Variants in SLC12A6 observed in about 807,000 individuals in gnomAD.
The protein encoded by SLC12A6 is K-Cl cotransporter 3.
In SLC12A6, 66 loss-of-function variants were observed where a neutral mutation model predicts 135.3. The observed-to-expected ratio is 0.49, with a 90% CI of 0.40 to 0.60. The LOEUF (loss-of-function observed/expected upper bound fraction) is 0.60, where lower values mean the gene tolerates loss of function less well. SLC12A6 is among the 20% of genes least tolerant of loss of function. The pLI, the probability that SLC12A6 is intolerant of heterozygous loss-of-function variation, is 0.00. For synonymous variants in SLC12A6, 513 were observed against 508.8 expected, an observed-to-expected ratio of 1.01 and a Z score of -0.11; for missense variants, 1,058 against 1,452.3, an observed-to-expected ratio of 0.73 and a Z score of 4.41.
chr15:34,250,219 A>T, intron 13 of SLC12A6, 79 bp downstream of exon 13: 1 of 883,700 alleles, frequency 1.1e-6, no homozygotes, highest in Non-Finnish European at 1.9e-6. Flanking sequence ...TGAGTCTGTA[A>T]CTGTCTTGGA....
chr15:34,301,712 G>A (rs559013420), intron 2 of SLC12A6, among the ~76,000 whole-genome samples: 1 of 151,076 alleles, frequency 6.6e-6, no homozygotes, highest in African/African-American at 2.5e-5. Flanking sequence ...AGACAAGGCT[G>A]GGCGTGGTGG....
chr15:34,236,166 G>A lies in SLC12A6; in HGVS notation c.3076C>T (p.Arg1026Ter), dbSNP rs752155450. ...QLVKDRNSML[R>*]LTSIGSDEDE... ...TCATCAGAGCCAATGCTGGTCAATC[G>A]TAGCATTGAGTTTCGGTCTTTCACC... The change falls in exon 24 of 26, where the codon CGA becomes TGA. Residue 1026 changes from arginine (R) to a stop codon, truncating the protein, a stop_gained. Transcript: ENST00000354181. LOFTEE classifies it high-confidence loss of function. 3.1e-6 allele frequency: 5 copies of A among 1,613,654 alleles called. No individual in the cohort carries two copies. Among genetic ancestry groups the A allele is most frequent in the South Asian group, 2.2e-5 (2 of 91,068 alleles).
At chr15:34,238,161 G>T in intron 21 of SLC12A6, 71 bp downstream of exon 21, 1 of 1,085,406 alleles carries the variant, frequency 9.2e-7, no homozygotes, top group Non-Finnish European at 1.4e-6. Flanking sequence ...ATCAGAGGAA[G>T]AATTTGTCTG....
In SLC12A6 at chr15:34,265,294, T is replaced by G. The variant is rs550084866; in HGVS notation, c.317-4274A>C. ...TCCTAGGATGTACTGGATACTGTTCTGGGTCCTAGAGATATAGCAGTGGAC... is the reference window on the plus strand; with the variant it reads ...TCCTAGGATGTACTGGATACTGTTCGGGGTCCTAGAGATATAGCAGTGGAC... On this transcript the variant is annotated intron_variant, in intron 3 of 25. Coordinates refer to ENST00000354181, the MANE Select transcript of SLC12A6 (RefSeq NM_001365088.1). Among the ~76,000 whole-genome samples the G allele has an allele frequency of 9.2e-5, 14 of 152,110 alleles. No homozygotes were observed. The South Asian group carries it at 2.7e-3, about 29-fold the overall frequency.
intron 2 of SLC12A6, among the ~76,000 whole-genome samples, chr15:34,333,153 C>T (rs929585506): frequency 4.6e-5 from 7 of 151,824 alleles, no homozygotes; most frequent in African/African-American, 1.7e-4. Context: ...AAAAGTGATA[C>T]ACTATAAATA....
intron 2 of SLC12A6, among the ~76,000 whole-genome samples, chr15:34,328,228 T>C (rs1889606702): frequency 6.6e-6 from 1 of 152,188 alleles, no homozygotes; most frequent in Non-Finnish European, 1.5e-5. Flanking sequence ...AGAAAAAAAC[T>C]TCAGCCGTTA....
intron 3 of SLC12A6, among the ~76,000 whole-genome samples, chr15:34,270,962 T>C (rs948116819): frequency 1.3e-5 from 2 of 151,552 alleles, no homozygotes; most frequent in African/African-American, 4.8e-5. Context: ...AGAGAATGAG[T>C]GCAAGGAGGG....
intron 14 of SLC12A6, 136 bp from the exon 15 acceptor site, chr15:34,245,539 C>G (rs1417076191): frequency 5.6e-6 from 5 of 885,874 alleles, no homozygotes; most frequent in Non-Finnish European, 9.7e-6. Context: ...TTACAGCACT[C>G]ACAGGTAAAC....
In SLC12A6 at chr15:34,336,407, T is replaced by C. The variant is rs1326386709; in HGVS notation, c.271+3A>G. On this transcript the variant is annotated splice_donor_region_variant and intron_variant, in intron 2 of 25. Transcript: ENST00000354181. ...GTATGCTGCGGTCTGTGTTTCTACT[T>C]ACCCTCGATGACATCCTGGGGGTGA... 2 of 1,612,094 alleles carry C rather than the reference T, an allele frequency of 1.2e-6. No homozygotes were observed. The highest frequency in any genetic ancestry group is 2.2e-5 in the East Asian group (1 of 44,870).
At chr15:34,332,634 T>G (rs1343277088) in intron 2 of SLC12A6, among the ~76,000 whole-genome samples, 1 of 151,968 alleles carries the variant, frequency 6.6e-6, no homozygotes, top group African/African-American at 2.4e-5. Flanking sequence ...AACACAAAAT[T>G]TAGCCGGGTG....
At chr15:34,257,509 G>C in intron 6 of SLC12A6, 133 bp downstream of exon 6, 1 of 731,024 alleles carries the variant, frequency 1.4e-6, no homozygotes, top group Non-Finnish European at 2.4e-6. Flanking sequence ...TTTAATATCA[G>C]AATAATTTCT....
At position 34,318,433 on chromosome 15, in the gene SLC12A6, A is replaced by T. The variant is rs1888806666; in HGVS notation, c.271+17977T>A. ...AGATACACAGGGGAGTGAAATAAGTAACTGAAAAACACCTCAACCACAACA... is the reference window on the plus strand; with the variant it reads ...AGATACACAGGGGAGTGAAATAAGTTACTGAAAAACACCTCAACCACAACA... On this transcript the variant is annotated intron_variant, in intron 2 of 25. Coordinates refer to ENST00000354181, the MANE Select transcript of SLC12A6 (RefSeq NM_001365088.1). The T allele has an allele frequency of 5.0e-6, 4 of 793,040 alleles. No homozygotes were observed. The Admixed American group carries it at 7.1e-5, about 14-fold the overall frequency. The allele number at this position is 793,040 out of a possible 1,614,324, so 49.1% of individuals were successfully genotyped here.
At chr15:34,250,040 G>A (rs1892277904) in intron 13 of SLC12A6, among the ~76,000 whole-genome samples, 1 of 152,134 alleles carries the variant, frequency 6.6e-6, no homozygotes, top group East Asian at 1.9e-4. Flanking sequence ...AAGTAGCCAG[G>A]ACTGTAGGTG....
At chr15:34,291,780 T>C (rs1231444204) in intron 2 of SLC12A6, among the ~76,000 whole-genome samples, 3 of 152,098 alleles carry the variant, frequency 2.0e-5, no homozygotes, top group Non-Finnish European at 2.9e-5. Context: ...GAATCGGCTA[T>C]TGAAGCTTGT....
chr15:34,269,932 C>T (rs1041083563), intron 3 of SLC12A6, among the ~76,000 whole-genome samples: 1 of 152,098 alleles, frequency 6.6e-6, no homozygotes, highest in Non-Finnish European at 1.5e-5. Context: ...TGAGAGGTCA[C>T]CAAATGGTAA....
Position 34,258,875 on chromosome 15 carries a change from G to A in SLC12A6, c.481C>T (p.Gln161Ter). The change falls in exon 5 of 26, where the codon CAA becomes TAA. Residue 161 changes from glutamine to a stop codon, truncating the protein, a stop_gained. Transcript: ENST00000354181. LOFTEE classifies it high-confidence loss of function. ...NRMANYTNLT[Q>*]GAKEHEEAEN... ...GCCTCTTCATGTTCCTTTGCTCCTT[G>A]AGTCAGATTAGTGTAATTGGCCATG... 1.2e-6 allele frequency: 2 copies of A among 1,612,688 alleles called. No homozygotes were observed. Among genetic ancestry groups the A allele is most frequent in the Non-Finnish European group, 1.7e-6 (2 of 1,178,756 alleles).
At chr15:34,330,509 CAA>C (rs34691564) in intron 2 of SLC12A6, among the ~76,000 whole-genome samples, 4 of 148,448 alleles carry the variant, frequency 2.7e-5, no homozygotes, top group Admixed American at 2.0e-4. Flanking sequence ...CTTGTCTCTA[CAA>C]AAAAAAAATT....
At chr15:34,244,670 T>C (rs1164819296) in intron 15 of SLC12A6, among the ~76,000 whole-genome samples, 2 of 152,212 alleles carry the variant, frequency 1.3e-5, no homozygotes, top group Non-Finnish European at 2.9e-5. Flanking sequence ...TGCTACCTTA[T>C]GCCATCCCTC....
chr15:34,262,559 A>C (rs1057154084), intron 3 of SLC12A6, among the ~76,000 whole-genome samples: 2 of 152,260 alleles, frequency 1.3e-5, no homozygotes, highest in South Asian at 4.1e-4. Flanking sequence ...ACGCGACGGG[A>C]AGCAGCAGCG....
Sources: allele counts gnomAD v4.1 joint callset (sites outside exome capture counted in the v4.1 genomes callset), GRCh38; gene constraint gnomAD v4.1.1; transcripts MANE v1.5; gene names NCBI Gene and HGNC (gene_info 2026-07-23, HGNC 2026-07-21).